PIK3CA: variants seen among roughly 807,000 people sequenced by gnomAD.
The protein encoded by PIK3CA is phosphatidylinositol 4,5-bisphosphate 3-kinase catalytic subunit alpha isoform.
Under a neutral mutation model 138.2 loss-of-function variants are expected in PIK3CA, and 27 were observed. That is an observed-to-expected ratio of 0.20 (90% confidence interval 0.14 to 0.27). The LOEUF (loss-of-function observed/expected upper bound fraction) is 0.27, where lower values mean the gene tolerates loss of function less well. PIK3CA is among the 10% of genes least tolerant of loss of function. PIK3CA has a pLI of 1.00. For synonymous variants in PIK3CA, 358 were observed against 413.2 expected, an observed-to-expected ratio of 0.87 and a Z score of 1.62; for missense variants, 544 against 1,277.4, an observed-to-expected ratio of 0.43 and a Z score of 8.75.
chr3:179,175,898 C>T (rs146791414), intron 1 of PIK3CA, among the ~76,000 whole-genome samples: 95 of 152,234 alleles, frequency 6.2e-4, no homozygotes, highest in Non-Finnish European at 1.2e-3. Flanking sequence ...TGAAGATCCT[C>T]AGTGGTCATT....
In PIK3CA at chr3:179,239,206, T is replaced by C. The variant is rs963072394; in HGVS notation, c.*4842T>C. ...TAAGTACAGAAAAGGTTTTTAAATG[T>C]ATTTTTTTAGCCAGTTAAAGTCTAT... On this transcript the variant is annotated 3_prime_UTR_variant, in exon 21 of 21. Coordinates refer to ENST00000263967, the MANE Select transcript of PIK3CA (RefSeq NM_006218.4). 9.7e-6 allele frequency: 2 copies of C among 205,750 alleles called. No homozygotes were observed. The highest frequency in any genetic ancestry group is 6.0e-5 in the Admixed American group (1 of 16,768). 12.7% of individuals were successfully genotyped at this position (205,750 alleles called of 1,614,324 possible).
rs550004682 is a variant in PIK3CA at position 179,219,026 on chromosome 3, A to T, written c.1665-170A>T. Among the ~76,000 whole-genome samples the T allele has an allele frequency of 6.6e-6, 1 of 152,110 alleles. No homozygotes were observed. The highest frequency in any genetic ancestry group is 1.5e-5 in the Non-Finnish European group (1 of 67,894). Reference sequence around the variant, plus strand: ...ATAACTGTGCCTAAGTATATATGTAAATATATTTCCAACTATAGTGTTAAA... The same window carrying T: ...ATAACTGTGCCTAAGTATATATGTATATATATTTCCAACTATAGTGTTAAA... On this transcript the variant is annotated intron_variant, in intron 10 of 20. Coordinates refer to ENST00000263967, the MANE Select transcript of PIK3CA (RefSeq NM_006218.4). This position sits in a 1 kb window ranked among gnomAD's most constrained non-coding sequence, Gnocchi z 4.2.
chr3:179,202,511 T>A (rs1724442057), intron 4 of PIK3CA, among the ~76,000 whole-genome samples: 1 of 152,236 alleles, frequency 6.6e-6, no homozygotes, highest in South Asian at 2.1e-4. Flanking sequence ...TAAATACCTA[T>A]AAGAAGCAAC....
intron 14 of PIK3CA, among the ~76,000 whole-genome samples, chr3:179,221,409 T>C (rs1036236552): frequency 6.6e-6 from 1 of 152,156 alleles, no homozygotes; most frequent in Non-Finnish European, 1.5e-5. Flanking sequence ...ACACGAGATA[T>C]GCAAAGAACC....
At chr3:179,207,864 T>C (rs1383477570) in intron 6 of PIK3CA, among the ~76,000 whole-genome samples, 1 of 152,126 alleles carries the variant, frequency 6.6e-6, no homozygotes, top group Non-Finnish European at 1.5e-5. Flanking sequence ...ATAATATTTT[T>C]CTCTATATGT....
At position 179,230,652 on chromosome 3, in the gene PIK3CA, G is replaced by A. The variant is rs1469530191; in HGVS notation, c.2936+276G>A. ...CACTGTAGTCCCAGCTACTCAGGAGGCTGAGATGGGAGGATCACTTGAGCC... is the reference window on the plus strand; with the variant it reads ...CACTGTAGTCCCAGCTACTCAGGAGACTGAGATGGGAGGATCACTTGAGCC... On this transcript the variant is annotated intron_variant, in intron 20 of 20. Transcript: ENST00000263967. The surrounding 1 kb of genome is among the most constrained non-coding windows in gnomAD (Gnocchi z 5.4). Among the ~76,000 whole-genome samples the A allele has an allele frequency of 6.6e-6, 1 of 152,084 alleles. No individual in the cohort carries two copies. Among genetic ancestry groups the A allele is most frequent in the South Asian group, 2.1e-4 (1 of 4,814 alleles).
intron 17 of PIK3CA, among the ~76,000 whole-genome samples, chr3:179,227,862 G>A (rs1473922651): frequency 1.3e-5 from 2 of 151,900 alleles, no homozygotes; most frequent in Non-Finnish European, 2.9e-5. Flanking sequence ...TTTTCTATGT[G>A]AATAAATGAG....
In PIK3CA at chr3:179,238,171, T is replaced by C. The variant is rs1393055819; in HGVS notation, c.*3807T>C. On this transcript the variant is annotated 3_prime_UTR_variant, in exon 21 of 21. Transcript: ENST00000263967. ...GAGAAGGCTGAAAGTTGTGAGAGTA[T>C]ATTGTATACCGTAAGAGAATCAACT... 4 of 223,058 alleles carry C rather than the reference T, an allele frequency of 1.8e-5. 1 individual carries two copies. The highest frequency in any genetic ancestry group is 5.7e-5 in the Admixed American group (1 of 17,396). 13.8% of individuals were successfully genotyped at this position (223,058 alleles called of 1,614,324 possible).
chr3:179,205,219 A>T (rs1037010402), intron 6 of PIK3CA, among the ~76,000 whole-genome samples: 2 of 151,758 alleles, frequency 1.3e-5, no homozygotes, highest in Admixed American at 6.6e-5. Flanking sequence ...ATATATATAT[A>T]TTTTACATCA....
chr3:179,213,015 C>A (rs1443523675), intron 9 of PIK3CA, among the ~76,000 whole-genome samples: 1 of 152,046 alleles, frequency 6.6e-6, no homozygotes, highest in Non-Finnish European at 1.5e-5. Context: ...TGCCCCTATC[C>A]CCTATATTGT....
chr3:179,198,749 G>T lies in PIK3CA; in HGVS notation c.-76-1G>T. On this transcript the variant is annotated splice_acceptor_variant, in intron 1 of 20. Transcript: ENST00000263967. LOFTEE classifies it low-confidence loss of function (5UTR_SPLICE). ...ACATATGTTTTCCTTCTTTGATTTA[G>T]GTTTCTGCTTTGGGACAACCATACA... 1 of 730,870 alleles carries T rather than the reference G, an allele frequency of 1.4e-6. No individual in the cohort carries two copies. The highest frequency in any genetic ancestry group is 2.2e-6 in the Non-Finnish European group (1 of 454,444). The allele number at this position is 730,870 out of a possible 1,614,324, so 45.3% of individuals were successfully genotyped here.
intron 1 of PIK3CA, among the ~76,000 whole-genome samples, chr3:179,170,137 C>G (rs890387063): frequency 6.6e-6 from 1 of 151,988 alleles, no homozygotes. Flanking sequence ...TATTCTTTGA[C>G]GTACTAAGTA....
chr3:179,191,512 G>A lies in PIK3CA; in HGVS notation c.-76-7238G>A, dbSNP rs144649016. Among the ~76,000 whole-genome samples, 1,000 of 152,258 alleles carry A rather than the reference G, an allele frequency of 6.6e-3. 60 individuals are homozygous for A. In the South Asian group the frequency reaches 0.13, roughly 20 times the overall value. On this transcript the variant is annotated intron_variant, in intron 1 of 20. Coordinates refer to ENST00000263967, the MANE Select transcript of PIK3CA (RefSeq NM_006218.4). ...AATTGTGGCTGTTTGCATTGCTCAG[G>A]CTGCCAGTTGTGCCAATTGTGCTGA...
chr3:179,181,095 G>A (rs1723833253), intron 1 of PIK3CA, among the ~76,000 whole-genome samples: 1 of 152,092 alleles, frequency 6.6e-6, no homozygotes, highest in Non-Finnish European at 1.5e-5. Context: ...GAGCAGTACT[G>A]AAAATAGCTA....
At chr3:179,159,032 A>G (rs951693305) in intron 1 of PIK3CA, among the ~76,000 whole-genome samples, 6 of 152,022 alleles carry the variant, frequency 3.9e-5, no homozygotes, top group African/African-American at 1.5e-4. Context: ...CTCATATACC[A>G]GGATAATAGT....
chr3:179,160,831 ACT>A (rs1368892107), intron 1 of PIK3CA, among the ~76,000 whole-genome samples: 1 of 151,742 alleles, frequency 6.6e-6, no homozygotes, highest in East Asian at 2.0e-4. Context: ...ACAATCATAG[ACT>A]CTGTTTGTTT....
intron 14 of PIK3CA, among the ~76,000 whole-genome samples, chr3:179,222,470 C>G (rs1002369751): frequency 6.6e-6 from 1 of 152,142 alleles, no homozygotes; most frequent in Non-Finnish European, 1.5e-5. Context: ...ATTTTAGATA[C>G]ATTTGTAAAT....
At chr3:179,172,593 C>T in intron 1 of PIK3CA, among the ~76,000 whole-genome samples, 1 of 151,726 alleles carries the variant, frequency 6.6e-6, no homozygotes, top group East Asian at 1.9e-4. Context: ...AGCAATGAAC[C>T]ATCCAAAAAT....
At chr3:179,180,308 C>G (rs1384001787) in intron 1 of PIK3CA, among the ~76,000 whole-genome samples, 1 of 152,080 alleles carries the variant, frequency 6.6e-6, no homozygotes, top group East Asian at 1.9e-4. Context: ...CCCACTTTCT[C>G]CTAAAATTAC....
Sources: gnomAD v4.1 joint callset for allele counts (sites outside exome capture counted in the v4.1 genomes callset) on GRCh38, gnomAD v4.1.1 for gene constraint, Gnocchi (gnomAD v3.1) non-coding constraint, MANE v1.5 for transcripts, NCBI Gene and HGNC (gene_info 2026-07-23, HGNC 2026-07-21) for gene names.